MAST4: variants seen among roughly 807,000 people sequenced by gnomAD.
MAST4 encodes the protein microtubule associated serine/threonine kinase family member 4, also known as microtubule-associated serine/threonine-protein kinase 4.
In MAST4, 89 loss-of-function variants were observed where a neutral mutation model predicts 162.7. That is an observed-to-expected ratio of 0.55 (90% CI 0.46 to 0.65). MAST4 has a LOEUF of 0.65. Ranked by LOEUF, MAST4 falls within the 30% of genes least tolerant of loss-of-function variation. The pLI is 0.00. For synonymous variants in MAST4, 1,479 were observed against 1,361.1 expected, an observed-to-expected ratio of 1.09 and a Z score of -1.91; for missense variants, 3,153 against 3,374.0, an observed-to-expected ratio of 0.93 and a Z score of 1.62.
chr5:66,616,267 G>C (rs1561215014), intron 1 of MAST4, among the ~76,000 whole-genome samples: 1 of 152,194 alleles, frequency 6.6e-6, no homozygotes, highest in East Asian at 1.9e-4. Flanking sequence ...TTCAGTCCGT[G>C]TGACCACCCC....
intron 2 of MAST4, 47 bp from the exon 3 acceptor site, chr5:66,788,623 C>CT: frequency 3.4e-6 from 2 of 590,870 alleles, no homozygotes; most frequent in Non-Finnish European, 3.0e-6. Flanking sequence ...AATAAGACTA[C>CT]TACCGGCTGC....
chr5:66,899,365 C>T (rs1762870222), intron 3 of MAST4, among the ~76,000 whole-genome samples: 1 of 152,030 alleles, frequency 6.6e-6, no homozygotes, highest in South Asian at 2.1e-4. Context: ...TGTCTGATTA[C>T]CTTTTAGAAG....
intron 2 of MAST4, among the ~76,000 whole-genome samples, chr5:66,766,233 C>T (rs1754088716): frequency 1.3e-5 from 2 of 152,106 alleles, no homozygotes; most frequent in African/African-American, 4.8e-5. Flanking sequence ...CCGTAACAGC[C>T]AGAGAATGAG....
chr5:67,069,313 A>ATATATATATATATAT (rs1230619144), intron 5 of MAST4, among the ~76,000 whole-genome samples: 1,353 of 64,828 alleles, frequency 0.021, 31 homozygotes, highest in Non-Finnish European at 0.027. Context: ...TATATATATA[A>ATATATATATATATAT]AATTTTAAAA....
In MAST4 at chr5:67,100,570, C is replaced by T. The variant is rs200510303; in HGVS notation, c.1048C>T (p.Arg350Cys). 4.0e-5 allele frequency: 64 copies of T among 1,613,728 alleles called. No homozygotes were observed. Among genetic ancestry groups the T allele is most frequent in the Non-Finnish European group, 4.5e-5 (53 of 1,179,830 alleles). ...TENRCRNTPM[R>C]PRSRSLSPGR... is the part of the protein sequence containing the mutation. Reference sequence around the variant, plus strand: ...GAACAGATGCAGGAACACGCCGATGCGCCCCCGTTCCCGAAGTCTGAGGTG... The same window carrying T: ...GAACAGATGCAGGAACACGCCGATGTGCCCCCGTTCCCGAAGTCTGAGGTG... The change falls in exon 8 of 29, where the codon CGC becomes TGC. Residue 350 changes from arginine to cysteine, a missense_variant. By Grantham distance (180) the Arg-to-Cys change is radical. This residue lies in a region of MAST4 where 360 missense variants were observed against 450.0 expected (regional missense o/e 0.80). Transcript: ENST00000403625.
intron 16 of MAST4, 133 bp downstream of exon 16, chr5:67,132,084 G>A (rs1769040151): frequency 4.1e-6 from 4 of 976,816 alleles, no homozygotes; most frequent in Non-Finnish European, 5.9e-6. Context: ...TGTTTTAACA[G>A]TATATATGGT....
chr5:66,889,044 T>G (rs934579084), intron 3 of MAST4, among the ~76,000 whole-genome samples: 5 of 152,254 alleles, frequency 3.3e-5, no homozygotes, highest in Admixed American at 3.3e-4. Context: ...AACTAGCTTT[T>G]TAGAAGCTTA....
chr5:67,129,517 C>T (rs1363584351), intron 14 of MAST4, among the ~76,000 whole-genome samples: 2 of 151,748 alleles, frequency 1.3e-5, no homozygotes, highest in Non-Finnish European at 2.9e-5. Flanking sequence ...GTCAGGAGTT[C>T]GAGACCAGCC....
In MAST4 at chr5:66,778,543, A is replaced by G. The variant is rs77228298; in HGVS notation, c.518-10127A>G. Among the ~76,000 whole-genome samples the G allele has an allele frequency of 4.5e-3, 690 of 152,358 alleles. 6 individuals are homozygous for G. Among genetic ancestry groups the G allele is most frequent in the African/African-American group, 0.016 (673 of 41,590 alleles). The stretch of plus-strand genomic sequence containing the variant: ...ATAATCTTGGTACATAAGAAGAAAT[A>G]GTTTTTTTATGAACAAGTTAAGGGA... On this transcript the variant is annotated intron_variant, in intron 2 of 28. Transcript: ENST00000403625.
At chr5:66,891,102 G>C (rs1035624691) in intron 3 of MAST4, among the ~76,000 whole-genome samples, 1 of 152,118 alleles carries the variant, frequency 6.6e-6, no homozygotes, top group Non-Finnish European at 1.5e-5. Flanking sequence ...TGCTCATCAG[G>C]GACTCGCTGG....
chr5:67,123,147 A>G (rs1472657085), intron 14 of MAST4, among the ~76,000 whole-genome samples: 3 of 152,170 alleles, frequency 2.0e-5, no homozygotes, highest in African/African-American at 7.2e-5. Context: ...CCCTTCTAGA[A>G]GCTTTCTTAG....
At chr5:66,828,592 C>T (rs1258288730) in intron 3 of MAST4, among the ~76,000 whole-genome samples, 1 of 152,164 alleles carries the variant, frequency 6.6e-6, no homozygotes, top group Non-Finnish European at 1.5e-5. Flanking sequence ...TAGCAAGAGC[C>T]TCCTCCACCT....
intron 3 of MAST4, among the ~76,000 whole-genome samples, chr5:66,809,836 A>G (rs1050472799): frequency 6.6e-6 from 1 of 152,160 alleles, no homozygotes; most frequent in Admixed American, 6.5e-5. Context: ...CCCTGGTTCA[A>G]GTGATTGTCC....
intron 4 of MAST4, among the ~76,000 whole-genome samples, chr5:67,032,464 G>A (rs1257498536): frequency 6.6e-6 from 1 of 152,104 alleles, no homozygotes; most frequent in Non-Finnish European, 1.5e-5. Flanking sequence ...TTGCATTAGG[G>A]TCACAGAAAG....
At chr5:66,779,826 G>A (rs1006686223) in intron 2 of MAST4, among the ~76,000 whole-genome samples, 1 of 152,156 alleles carries the variant, frequency 6.6e-6, no homozygotes, top group African/African-American at 2.4e-5. Flanking sequence ...GTGACTCTTT[G>A]CGGTCTTTGC....
chr5:66,688,875 A>C (rs546635164), intron 1 of MAST4, among the ~76,000 whole-genome samples: 2 of 152,272 alleles, frequency 1.3e-5, no homozygotes, highest in African/African-American at 4.8e-5. Context: ...TGACAGCCCT[A>C]ATAGTATGTT....
intron 3 of MAST4, among the ~76,000 whole-genome samples, chr5:66,872,431 A>G (rs1475342345): frequency 6.6e-6 from 1 of 152,148 alleles, no homozygotes; most frequent in African/African-American, 2.4e-5. Context: ...CGGCCTCCCA[A>G]AGTACTGGGA....
intron 1 of MAST4, among the ~76,000 whole-genome samples, chr5:66,603,539 A>G (rs1742681690): frequency 6.6e-6 from 1 of 152,228 alleles, no homozygotes; most frequent in South Asian, 2.1e-4. Context: ...TCATATAAGC[A>G]TGAAAGATGG....
rs75732118 is a variant in MAST4 at position 67,062,491 on chromosome 5, A to AT, written c.763+8003dup. ...ACTTTCATTCAAAAGCCTTCAGCAG[A>AT]TTTTCCATGCTTGAAATATTATTTC... On this transcript the variant is annotated intron_variant, in intron 5 of 28. Transcript: ENST00000403625. Among the ~76,000 whole-genome samples, 48 of 152,276 alleles carry AT rather than the reference A, an allele frequency of 3.2e-4. 1 individual carries two copies. In the East Asian group the frequency reaches 9.1e-3, roughly 29 times the overall value.
Sources: allele counts gnomAD v4.1 joint callset (sites outside exome capture counted in the v4.1 genomes callset), GRCh38; gene constraint gnomAD v4.1.1; regional missense constraint gnomAD v4.1.1; transcripts MANE v1.5; gene names NCBI Gene and HGNC (gene_info 2026-07-23, HGNC 2026-07-21).